TATDN1: variants seen among roughly 807,000 people sequenced by gnomAD.
TATDN1 encodes the protein deoxyribonuclease TATDN1.
In TATDN1, 40 loss-of-function variants were observed where a neutral mutation model predicts 46.4. That is an observed-to-expected ratio of 0.86 (90% CI 0.67 to 1.12). The LOEUF is 1.12. Ranked by LOEUF, TATDN1 falls within the 50% of genes most tolerant of loss-of-function variation. The pLI is 0.00. For synonymous variants in TATDN1, 95 were observed against 105.6 expected (o/e 0.90, Z 0.62); for missense variants, 326 against 348.4 (o/e 0.94, Z 0.51).
At chr8:124,493,119 AAT>A (rs1443756719) in intron 11 of TATDN1, among the ~76,000 whole-genome samples, 1 of 152,228 alleles carries the variant, frequency 6.6e-6, no homozygotes, top group Admixed American at 6.5e-5. Flanking sequence ...ATATGCAATG[AAT>A]AGTCTTAAAA....
chr8:124,528,883 T>C (rs1188638019), intron 1 of TATDN1, among the ~76,000 whole-genome samples: 1 of 152,222 alleles, frequency 6.6e-6, no homozygotes, highest in Non-Finnish European at 1.5e-5. Flanking sequence ...TCTCTGTAAC[T>C]AGTAACTTCA....
chr8:124,502,714 T>A (rs1466174819), intron 9 of TATDN1, among the ~76,000 whole-genome samples: 1 of 152,238 alleles, frequency 6.6e-6, no homozygotes, highest in Non-Finnish European at 1.5e-5. Context: ...TGTGGTATAC[T>A]GTGCTTAACA....
intron 10 of TATDN1, 173 bp from the exon 11 acceptor site, chr8:124,494,132 C>T (rs1232671442): frequency 5.6e-6 from 3 of 536,862 alleles, no homozygotes; most frequent in East Asian, 6.7e-5. Context: ...TCTTGAATTG[C>T]ATCTTAAATA....
intron 1 of TATDN1, among the ~76,000 whole-genome samples, chr8:124,531,944 T>G (rs1029543618): frequency 5.9e-5 from 9 of 152,214 alleles, no homozygotes; most frequent in African/African-American, 2.2e-4. Context: ...TGGACCTTCC[T>G]GTAATTTTGT....
intron 3 of TATDN1, chr8:124,521,869 G>C: frequency 7.8e-6 from 2 of 257,800 alleles, no homozygotes; most frequent in Non-Finnish European, 7.2e-6. Context: ...ATTAAAAGTT[G>C]CCTCTTAAGC....
chr8:124,533,031 T>G (rs1200388635), intron 1 of TATDN1, among the ~76,000 whole-genome samples: 1 of 152,146 alleles, frequency 6.6e-6, no homozygotes, highest in African/African-American at 2.4e-5. Flanking sequence ...GGTGGGCAGA[T>G]GACGAGGTCA....
intron 6 of TATDN1, among the ~76,000 whole-genome samples, chr8:124,514,978 C>T (rs1197404792): frequency 1.3e-5 from 2 of 152,062 alleles, no homozygotes; most frequent in Non-Finnish European, 2.9e-5. Flanking sequence ...TTTTTAGAGA[C>T]GGAGTCTCCT....
intron 1 of TATDN1, among the ~76,000 whole-genome samples, chr8:124,535,694 C>T (rs1022509239): frequency 6.6e-6 from 1 of 152,196 alleles, no homozygotes; most frequent in East Asian, 1.9e-4. Context: ...CTGTATTAAT[C>T]TGCTTTTGCA....
intron 1 of TATDN1, among the ~76,000 whole-genome samples, chr8:124,534,900 CACTTT>C (rs1290681112): frequency 6.6e-6 from 1 of 152,118 alleles, no homozygotes; most frequent in Non-Finnish European, 1.5e-5. Context: ...CTCAGGAAAG[CACTTT>C]ACTTATTACC....
chr8:124,528,963 C>G (rs1173252859), intron 1 of TATDN1, among the ~76,000 whole-genome samples: 2 of 152,202 alleles, frequency 1.3e-5, no homozygotes, highest in Non-Finnish European at 2.9e-5. Context: ...ACTACAGCTG[C>G]CTGGGCCCCA....
At chr8:124,514,904 A>G (rs1819326278) in intron 6 of TATDN1, among the ~76,000 whole-genome samples, 1 of 152,206 alleles carries the variant, frequency 6.6e-6, no homozygotes, top group South Asian at 2.1e-4. Context: ...CAAGAGTAAA[A>G]TAAGCTTTTC....
At chr8:124,499,473 T>C (rs1351134915) in intron 9 of TATDN1, among the ~76,000 whole-genome samples, 1 of 152,216 alleles carries the variant, frequency 6.6e-6, no homozygotes, top group Non-Finnish European at 1.5e-5. Context: ...AGCCAGTATT[T>C]CTATTTAATA....
At chr8:124,532,021 T>C (rs1226934416) in intron 1 of TATDN1, among the ~76,000 whole-genome samples, 1 of 151,144 alleles carries the variant, frequency 6.6e-6, no homozygotes, top group Non-Finnish European at 1.5e-5. Flanking sequence ...CTGTCTTTTG[T>C]GAAAATAAGT....
rs747564325 is a variant in TATDN1 at position 124,539,009 on chromosome 8, A to G, written c.22+16T>C. ...AAGTCAGAAAGACCCAAGGGCGTGGAAAACGCTCCTCTTACCGATAAACTT... is the reference window on the plus strand; with the variant it reads ...AAGTCAGAAAGACCCAAGGGCGTGGGAAACGCTCCTCTTACCGATAAACTT... On this transcript the variant is annotated intron_variant, in intron 1 of 11. Coordinates refer to ENST00000276692, the MANE Select transcript of TATDN1 (RefSeq NM_032026.4). 6.2e-7 allele frequency: 1 copy of G among 1,614,182 alleles called. No homozygotes were observed. Among genetic ancestry groups the G allele is most frequent in the South Asian group, 1.1e-5 (1 of 91,082 alleles).
chr8:124,532,016 T>C (rs1331006382), intron 1 of TATDN1, among the ~76,000 whole-genome samples: 1 of 152,068 alleles, frequency 6.6e-6, no homozygotes, highest in East Asian at 1.9e-4. Context: ...CAAGACTGTC[T>C]TTTGTGAAAA....
Position 124,520,829 on chromosome 8 carries a change from G to C in TATDN1, c.138+1322C>G, listed in dbSNP as rs574721425. Among the ~76,000 whole-genome samples the C allele has an allele frequency of 2.6e-4, 39 of 151,320 alleles. No homozygotes were observed. The East Asian group carries it at 6.9e-3, about 27-fold the overall frequency. ...GTGGTGGCGGGCGCCTGTAGTCCCA[G>C]CTACTCGGGAGGCTGAGGCAGGAGA... On this transcript the variant is annotated intron_variant, in intron 3 of 11. Transcript: ENST00000276692.
In TATDN1 at chr8:124,518,903, A is replaced by G. The variant is rs779782410; in HGVS notation, c.139-22T>C. Reference sequence around the variant, plus strand: ...TAAACTGAAATAGAAAGAAAATAAAATAAGCTGACTTTAATAGGGCAGCAA... The same window carrying G: ...TAAACTGAAATAGAAAGAAAATAAAGTAAGCTGACTTTAATAGGGCAGCAA... On this transcript the variant is annotated intron_variant, in intron 3 of 11. Transcript: ENST00000276692. The G allele has an allele frequency of 5.9e-6, 9 of 1,536,354 alleles. No homozygotes were observed. The African/African-American group carries it at 1.1e-4, about 19-fold the overall frequency.
At position 124,489,861 on chromosome 8, in the gene TATDN1, T is replaced by A. The variant is rs138190350; in HGVS notation, c.792-1165A>T. The stretch of plus-strand genomic sequence containing the variant: ...AATATTCTTTGCCTAAGCTTTTTGT[T>A]CCCTTAGTATCTTAAATGTTAACAC... On this transcript the variant is annotated intron_variant, in intron 11 of 11. Transcript: ENST00000276692. The A allele has an allele frequency of 2.5e-3, 383 of 152,330 alleles. 3 individuals carry two copies. The highest frequency in any genetic ancestry group is 8.8e-3 in the African/African-American group (365 of 41,578). The allele number at this position is 152,330 out of a possible 1,614,324, so 9.4% of individuals were successfully genotyped here.
At chr8:124,512,995 ACCT>A (rs1266997527) in intron 6 of TATDN1, among the ~76,000 whole-genome samples, 1 of 151,616 alleles carries the variant, frequency 6.6e-6, no homozygotes, top group East Asian at 1.9e-4. Flanking sequence ...GCTCACTGCA[ACCT>A]CCTCCTCCCC....
Sources: allele counts gnomAD v4.1 joint callset (sites outside exome capture counted in the v4.1 genomes callset), GRCh38; gene constraint gnomAD v4.1.1; transcripts MANE v1.5; gene names NCBI Gene and HGNC (gene_info 2026-07-23, HGNC 2026-07-21).